The following L3MBTL2 variants were observed in gnomAD, a reference collection of about 807,000 sequenced individuals.
L3MBTL2 encodes the protein L3MBTL histone methyl-lysine binding protein 2.
In L3MBTL2, 49 loss-of-function variants were observed where a neutral mutation model predicts 86.4. The observed-to-expected ratio is 0.57, with a 90% CI of 0.45 to 0.72. The LOEUF is 0.72. L3MBTL2 is among the 30% of genes least tolerant of loss of function. L3MBTL2 has a pLI of 0.00. For missense variants in L3MBTL2, 755 were observed against 923.7 expected (o/e 0.82, Z 2.37); for synonymous variants, 336 against 350.6 (o/e 0.96, Z 0.47).
intron 8 of L3MBTL2, 156 bp downstream of exon 8, chr22:41,221,443 C>T (rs1330777821): frequency 1.6e-5 from 11 of 671,362 alleles, no homozygotes; most frequent in Non-Finnish European, 2.6e-5. Flanking sequence ...GCTGCTGCTA[C>T]GTGGTTGCCA....
chr22:41,222,154 C>T (rs779187702), intron 8 of L3MBTL2, among the ~76,000 whole-genome samples: 2 of 152,244 alleles, frequency 1.3e-5, no homozygotes, highest in African/African-American at 2.4e-5. Context: ...CCACCTGCCT[C>T]GGCCTCCCAA....
intron 13 of L3MBTL2, among the ~76,000 whole-genome samples, 165 bp from the exon 14 acceptor site, chr22:41,226,924 G>A (rs753265832): frequency 6.6e-6 from 1 of 152,244 alleles, no homozygotes; most frequent in African/African-American, 2.4e-5. Flanking sequence ...CATGGAGGGC[G>A]GTACTGGGAG....
At chr22:41,216,988 G>A (rs1476574882) in intron 4 of L3MBTL2, 135 bp from the exon 5 acceptor site, 42 of 650,058 alleles carry the variant, frequency 6.5e-5, no homozygotes, top group South Asian at 6.4e-4. Flanking sequence ...GGAGGGTGTC[G>A]TGGGCAGCGC....
intron 6 of L3MBTL2, 47 bp downstream of exon 6, chr22:41,219,583 C>A: frequency 8.0e-7 from 1 of 1,244,864 alleles, no homozygotes. Context: ...TGCAGAGTGA[C>A]ATCTCTAGAT....
intron 1 of L3MBTL2, among the ~76,000 whole-genome samples, chr22:41,207,683 TTTC>T (rs1346394305): frequency 6.6e-6 from 1 of 151,756 alleles, no homozygotes; most frequent in Non-Finnish European, 1.5e-5. Context: ...ACACCTTTTT[TTTC>T]CTTTGAGACA....
chr22:41,210,878 T>C (rs2030716431), intron 2 of L3MBTL2, among the ~76,000 whole-genome samples: 1 of 152,218 alleles, frequency 6.6e-6, no homozygotes, highest in South Asian at 2.1e-4. Flanking sequence ...AAGTATACCA[T>C]GGATTTCCAA....
chr22:41,221,189 G>A lies in L3MBTL2; in HGVS notation c.854-10G>A. 6.5e-7 allele frequency: 1 copy of A among 1,541,788 alleles called. No individual in the cohort carries two copies. Among genetic ancestry groups the A allele is most frequent in the African/African-American group, 1.4e-5 (1 of 72,970 alleles). On this transcript the variant is annotated splice_polypyrimidine_tract_variant and intron_variant, in intron 7 of 16. Transcript: ENST00000216237. ...TCTGTGTAACCAGGATTCTGCTGGT[G>A]CCTCCACAGCCATCCATGCCAAGTT...
chr22:41,221,422 T>C (rs1036640207), intron 8 of L3MBTL2, 135 bp downstream of exon 8: 1 of 758,034 alleles, frequency 1.3e-6, no homozygotes, highest in Non-Finnish European at 2.2e-6. Flanking sequence ...TTTGCAAGGC[T>C]AGAGACAAAT....
intron 5 of L3MBTL2, chr22:41,219,142 T>G (rs2031622189): frequency 3.0e-6 from 1 of 337,988 alleles, no homozygotes; most frequent in East Asian, 6.0e-5. Context: ...AATGATACAG[T>G]AAGAAACCAG....
intron 8 of L3MBTL2, among the ~76,000 whole-genome samples, chr22:41,222,747 C>T (rs1402664217): frequency 6.6e-6 from 1 of 152,180 alleles, no homozygotes; most frequent in Admixed American, 6.5e-5. Flanking sequence ...TGATGAAACC[C>T]TGTCTTTACT....
At chr22:41,212,268 T>G (rs1191261079) in intron 2 of L3MBTL2, among the ~76,000 whole-genome samples, 1 of 152,156 alleles carries the variant, frequency 6.6e-6, no homozygotes, top group Non-Finnish European at 1.5e-5. Context: ...GATTTAGAAC[T>G]AGAAGGAACC....
Position 41,224,194 on chromosome 22 carries a change from C to G in L3MBTL2, c.1117C>G (p.Pro373Ala), listed in dbSNP as rs768261114. ...DDDFWCHMWS[P>A]LIHPVGWSRR... ...CGACTTCTGGTGCCACATGTGGAGC[C>G]CCCTGATCCACCCAGTGGGTTGGTC... The change falls in exon 9 of 17, where the codon CCC becomes GCC. Residue 373 changes from proline to alanine, a missense_variant. Transcript: ENST00000216237. The surrounding 1 kb of genome is among the most constrained non-coding windows in gnomAD (Gnocchi z 4.9). The G allele has an allele frequency of 1.9e-6, 3 of 1,614,080 alleles. No homozygotes were observed. The highest frequency in any genetic ancestry group is 2.5e-6 in the Non-Finnish European group (3 of 1,180,008).
At chr22:41,223,947 C>T in intron 8 of L3MBTL2, 73 bp from the exon 9 acceptor site, 8 of 1,209,868 alleles carry the variant, frequency 6.6e-6, no homozygotes, top group Non-Finnish European at 9.7e-6. Flanking sequence ...CCCTGTCCTC[C>T]ACTCACCAGA....
chr22:41,208,074 C>T (rs1370159565), intron 1 of L3MBTL2, among the ~76,000 whole-genome samples: 10 of 151,944 alleles, frequency 6.6e-5, no homozygotes, highest in Middle Eastern at 3.2e-3. Context: ...TTAAGTGATC[C>T]GCCCGCCTCG....
At chr22:41,228,301 G>A (rs139476) in intron 15 of L3MBTL2, 256 of 985,364 alleles carry the variant, frequency 2.6e-4, no homozygotes, top group Middle Eastern at 5.2e-4. Flanking sequence ...GGTGGGAGAG[G>A]GTGGGAGCAA....
At chr22:41,211,856 C>CTTT (rs35869187) in intron 2 of L3MBTL2, among the ~76,000 whole-genome samples, 11 of 67,900 alleles carry the variant, frequency 1.6e-4, no homozygotes, top group Admixed American at 3.6e-4. Flanking sequence ...CGCACCCGGC[C>CTTT]TTTTTTTTTT....
chr22:41,228,846 T>C (rs1601541753), intron 15 of L3MBTL2, among the ~76,000 whole-genome samples: 1 of 113,150 alleles, frequency 8.8e-6, no homozygotes, highest in Non-Finnish European at 1.8e-5. Flanking sequence ...GGAAACTCCA[T>C]CGCACAAAAA....
At position 41,227,018 on chromosome 22, in the gene L3MBTL2, T is replaced by A; in HGVS notation, c.1588-71T>A. The A allele has an allele frequency of 7.2e-7, 1 of 1,384,548 alleles. No homozygotes were observed. Among genetic ancestry groups the A allele is most frequent in the Non-Finnish European group, 9.9e-7 (1 of 1,008,496 alleles). 85.8% of individuals were successfully genotyped at this position (1,384,548 alleles called of 1,614,324 possible). A position where few individuals can be genotyped will look rare whatever the true frequency, so the allele number is the denominator to read the frequency against. ...CCTCCCTGCCAGTTCTTCAAGTGCCTCCGGGCCGGGGCAAGCCTGCTGGGG... is the reference window on the plus strand; with the variant it reads ...CCTCCCTGCCAGTTCTTCAAGTGCCACCGGGCCGGGGCAAGCCTGCTGGGG... On this transcript the variant is annotated intron_variant, in intron 13 of 16. Coordinates refer to ENST00000216237, the MANE Select transcript of L3MBTL2 (RefSeq NM_031488.5). This position sits in a 1 kb window ranked among gnomAD's most constrained non-coding sequence, Gnocchi z 6.0.
rs2032242240 is a variant in L3MBTL2 at position 41,227,152 on chromosome 22, C to T, written c.1651C>T (p.Arg551Trp). The T allele has an allele frequency of 3.1e-5, 50 of 1,613,580 alleles. No individual in the cohort carries two copies. Among genetic ancestry groups the T allele is most frequent in the Non-Finnish European group, 4.2e-5 (49 of 1,180,010 alleles). ...KLEAVDLMEP[R>W]LICVATVKRV... ...GGAGGCCGTGGACCTGATGGAGCCC[C>T]GGCTCATCTGTGTGGCCACGGTGAA... Residue 551 changes from arginine (R) to tryptophan (W), a missense_variant, in exon 14 of 17, where the codon CGG becomes TGG. This residue lies in a region of L3MBTL2 where 634 missense variants were observed against 748.9 expected (regional missense o/e 0.85). Transcript: ENST00000216237. This position sits in a 1 kb window ranked among gnomAD's most constrained non-coding sequence, Gnocchi z 6.0.
Sources: gnomAD v4.1 joint callset for allele counts (sites outside exome capture counted in the v4.1 genomes callset) on GRCh38, gnomAD v4.1.1 for gene constraint, gnomAD v4.1.1 regional missense constraint, Gnocchi (gnomAD v3.1) non-coding constraint, MANE v1.5 for transcripts, NCBI Gene and HGNC (gene_info 2026-07-23, HGNC 2026-07-21) for gene names.